The following RNF32 variants were observed in gnomAD, a reference collection of about 807,000 sequenced individuals.
RNF32 encodes the protein ring finger protein 32.
A neutral mutation model predicts 41.0 loss-of-function variants in RNF32; 36 were observed. The observed-to-expected ratio is 0.88, with a 90% CI of 0.67 to 1.16. The LOEUF (loss-of-function observed/expected upper bound fraction) is 1.16, where lower values mean the gene tolerates loss of function less well. RNF32 is among the 50% of genes most tolerant of loss of function. RNF32 has a pLI of 0.00. For synonymous variants in RNF32, 154 were observed against 160.9 expected (o/e 0.96, Z 0.32); for missense variants, 413 against 436.7 (o/e 0.95, Z 0.48).
chr7:156,641,598 A>T (rs1330242459), intron 1 of RNF32, among the ~76,000 whole-genome samples: 4 of 152,234 alleles, frequency 2.6e-5, no homozygotes, highest in Non-Finnish European at 4.4e-5. Flanking sequence ...AAACTTAATG[A>T]TACCGTAGGA....
chr7:156,643,052 C>G (rs1797567353), intron 1 of RNF32: 1 of 152,230 alleles, frequency 6.6e-6, no homozygotes, highest in East Asian at 1.9e-4. Context: ...AATTATTCCA[C>G]CAGCTTTGAA....
At chr7:156,657,383 G>A (rs1453206312) in intron 4 of RNF32, 158 bp from the exon 5 acceptor site, 13 of 693,074 alleles carry the variant, frequency 1.9e-5, no homozygotes, top group Non-Finnish European at 2.6e-5. Flanking sequence ...CTTGTGCTGT[G>A]CTAAACAAAC....
At chr7:156,647,741 A>T (rs545495203) in intron 3 of RNF32, among the ~76,000 whole-genome samples, 2 of 152,312 alleles carry the variant, frequency 1.3e-5, no homozygotes, top group South Asian at 4.1e-4. Context: ...ACTTTTAGTT[A>T]TTCAAGGAGT....
intron 7 of RNF32, among the ~76,000 whole-genome samples, chr7:156,668,650 T>C (rs1329419709): frequency 1.3e-5 from 2 of 152,232 alleles, no homozygotes; most frequent in Non-Finnish European, 2.9e-5. Flanking sequence ...ACTCCGTGTC[T>C]CCCGGAGTCC....
chr7:156,659,816 G>C, intron 7 of RNF32: 1 of 776,098 alleles, frequency 1.3e-6, no homozygotes, highest in Non-Finnish European at 1.6e-6. Flanking sequence ...AAGTTTCAGC[G>C]TTCAGTGCTC....
chr7:156,656,757 G>A (rs989861701), intron 4 of RNF32, among the ~76,000 whole-genome samples: 8 of 152,170 alleles, frequency 5.3e-5, no homozygotes, highest in African/African-American at 1.9e-4. Context: ...AAAACCCTTC[G>A]CCTGACCCCA....
chr7:156,672,447 G>A (rs1044582358), intron 7 of RNF32, among the ~76,000 whole-genome samples: 1 of 152,132 alleles, frequency 6.6e-6, no homozygotes, highest in Non-Finnish European at 1.5e-5. Flanking sequence ...TGGACCTCAG[G>A]GTCTTTGTCA....
chr7:156,640,861 C>A (rs117535072), intron 1 of RNF32, 50 bp downstream of exon 1: 7,208 of 201,898 alleles, frequency 0.036, 201 homozygotes, highest in Non-Finnish European at 0.052. Context: ...GCCCGCCAGG[C>A]GGGCGGGGTC....
At chr7:156,643,953 G>A in intron 2 of RNF32, 61 bp downstream of exon 2, 1 of 1,464,360 alleles carries the variant, frequency 6.8e-7, no homozygotes, top group Non-Finnish European at 9.6e-7. Context: ...TTTTAATTCA[G>A]CCATTTGAGA....
At chr7:156,642,513 T>G (rs1042747945) in intron 1 of RNF32, among the ~76,000 whole-genome samples, 1 of 152,256 alleles carries the variant, frequency 6.6e-6, no homozygotes, top group Non-Finnish European at 1.5e-5. Flanking sequence ...CGCTGGGCCT[T>G]TCTTACTGCA....
At chr7:156,655,849 C>G (rs1017857884) in intron 4 of RNF32, among the ~76,000 whole-genome samples, 1 of 152,150 alleles carries the variant, frequency 6.6e-6, no homozygotes, top group African/African-American at 2.4e-5. Flanking sequence ...GCTAAGCACC[C>G]TCTTTCTTAC....
chr7:156,643,882 T>C lies in RNF32; in HGVS notation c.5T>C (p.Leu2Ser). 6.2e-7 allele frequency: 1 copy of C among 1,611,708 alleles called. No homozygotes were observed. The highest frequency in any genetic ancestry group is 1.1e-5 in the South Asian group (1 of 90,970). M[L>S]KNKGHSSKKD... is the part of the protein sequence containing the mutation. ...AACAACTTTTCCTAATTCGGCATGTTAAAAAATAAGGTACGCTATTCTTTT... is the reference window on the plus strand; with the variant it reads ...AACAACTTTTCCTAATTCGGCATGTCAAAAAATAAGGTACGCTATTCTTTT... The change falls in exon 2 of 9, where the codon TTA becomes TCA. Residue 2 changes from leucine to serine, a missense_variant. Physicochemically the swap from Leu to Ser is moderately radical, Grantham distance 145. Transcript: ENST00000317955.
At chr7:156,660,320 CAAG>C (rs1800439568) in intron 7 of RNF32, 1 of 979,698 alleles carries the variant, frequency 1.0e-6, no homozygotes, top group Non-Finnish European at 1.2e-6. Flanking sequence ...TCTAAGAGAT[CAAG>C]AAGAACAGAA....
intron 3 of RNF32, chr7:156,646,581 G>T: frequency 6.3e-6 from 7 of 1,113,964 alleles, no homozygotes; most frequent in Non-Finnish European, 8.4e-6. Flanking sequence ...ATTTTGAGAT[G>T]ACACAATTCA....
intron 7 of RNF32, among the ~76,000 whole-genome samples, chr7:156,674,836 G>A (rs1007685639): frequency 6.6e-6 from 1 of 152,116 alleles, no homozygotes; most frequent in East Asian, 1.9e-4. Context: ...AATTACATAC[G>A]TAGCTCACAG....
intron 7 of RNF32, chr7:156,659,516 T>C: frequency 2.0e-6 from 2 of 985,320 alleles, no homozygotes; most frequent in Non-Finnish European, 2.4e-6. Flanking sequence ...GGGCTACTCT[T>C]AGTAATTTCT....
At chr7:156,653,497 G>T (rs977218891) in intron 3 of RNF32, among the ~76,000 whole-genome samples, 3 of 152,146 alleles carry the variant, frequency 2.0e-5, no homozygotes, top group Non-Finnish European at 2.9e-5. Context: ...TACTCTAAAA[G>T]CCCAAGAGCT....
chr7:156,676,011 G>T, intron 8 of RNF32, 148 bp downstream of exon 8: 1 of 876,968 alleles, frequency 1.1e-6, no homozygotes, highest in Non-Finnish European at 1.7e-6. Context: ...CTGTGGGGGT[G>T]GCATGTCGGG....
intron 3 of RNF32, among the ~76,000 whole-genome samples, chr7:156,653,013 T>C (rs999360504): frequency 4.6e-5 from 7 of 152,296 alleles, no homozygotes; most frequent in Admixed American, 3.3e-4. Context: ...TTTTATAAAT[T>C]TAGTGTAGCG....
Sources: allele counts gnomAD v4.1 joint callset (sites outside exome capture counted in the v4.1 genomes callset), GRCh38; gene constraint gnomAD v4.1.1; transcripts MANE v1.5; gene names NCBI Gene and HGNC (gene_info 2026-07-23, HGNC 2026-07-21).